DACH2: variants seen among roughly 807,000 people sequenced by gnomAD.
DACH2 encodes the protein dachshund family transcription factor 2.
DACH2 carries 17 observed loss-of-function variants against 35.8 expected under a neutral mutation model. That is an observed-to-expected ratio of 0.48 (90% confidence interval 0.33 to 0.71). The LOEUF (loss-of-function observed/expected upper bound fraction) is 0.71, where lower values mean the gene tolerates loss of function less well. Ranked by LOEUF, DACH2 falls within the 30% of genes least tolerant of loss-of-function variation. The pLI is 0.02. For synonymous variants in DACH2, 195 were observed against 177.3 expected, an observed-to-expected ratio of 1.10 and a Z score of -0.79; for missense variants, 469 against 472.7, an observed-to-expected ratio of 0.99 and a Z score of 0.07.
chrX:86,365,348 C>T (rs1199339533), intron 1 of DACH2, among the ~76,000 whole-genome samples: 1 of 96,867 alleles, frequency 1.0e-5, no homozygotes, highest in Non-Finnish European at 2.1e-5. Flanking sequence ...AAAAAAAAAA[C>T]AGATAGTGTG....
At chrX:86,286,376 C>T (rs886688829) in intron 1 of DACH2, among the ~76,000 whole-genome samples, 7 of 110,437 alleles carry the variant, frequency 6.3e-5, no homozygotes, top group East Asian at 2.9e-4. Flanking sequence ...ATGATCCACC[C>T]GCCTCAGCCT....
chrX:86,703,297 C>T (rs1602817426), intron 5 of DACH2, among the ~76,000 whole-genome samples: 2 of 111,095 alleles, frequency 1.8e-5, no homozygotes, highest in South Asian at 3.8e-4. Flanking sequence ...ATATGACAAA[C>T]CAACAGCCAG....
chrX:86,592,064 G>A (rs1242948415), intron 3 of DACH2, among the ~76,000 whole-genome samples: 1 of 110,191 alleles, frequency 9.1e-6, no homozygotes, highest in African/African-American at 3.3e-5. Flanking sequence ...TTTATCGATT[G>A]TGCTTATGGT....
intron 1 of DACH2, among the ~76,000 whole-genome samples, chrX:86,205,940 A>G (rs988032726): frequency 1.8e-5 from 2 of 111,411 alleles, no homozygotes; most frequent in Non-Finnish European, 1.9e-5. Flanking sequence ...CTCCAAATCA[A>G]TAGCTTTCAT....
At chrX:86,481,249 A>G (rs1447783896) in intron 2 of DACH2, 1 of 111,932 alleles carries the variant, frequency 8.9e-6, no homozygotes, top group Non-Finnish European at 1.9e-5. Context: ...CCATTTTTGT[A>G]CACATATATC....
intron 1 of DACH2, among the ~76,000 whole-genome samples, chrX:86,326,864 C>T (rs2035125152): frequency 9.0e-6 from 1 of 111,651 alleles, no homozygotes; most frequent in African/African-American, 3.3e-5. Flanking sequence ...TGTTCAAAAC[C>T]ATTCCAAATG....
Position 86,514,394 on chromosome X carries a change from A to G in DACH2, c.640+3A>G. On this transcript the variant is annotated splice_donor_region_variant and intron_variant, in intron 3 of 11. Coordinates refer to ENST00000373125, the MANE Select transcript of DACH2 (RefSeq NM_053281.3). ...GCCAGGACTTATCACTCCGACAGGTAATAAAATCCATCTGATGATCAGCCA... is the reference window on the plus strand; with the variant it reads ...GCCAGGACTTATCACTCCGACAGGTGATAAAATCCATCTGATGATCAGCCA... 8.3e-7 allele frequency: 1 copy of G among 1,198,225 alleles called. No individual in the cohort carries two copies. The highest frequency in any genetic ancestry group is 3.0e-5 in the East Asian group (1 of 33,714).
rs181993581 is a variant in DACH2 at position 86,722,667 on chromosome X, C to T, written c.1104+7947C>T. On this transcript the variant is annotated intron_variant, in intron 6 of 11. Transcript: ENST00000373125. ...ATTTATTGATTTGTATATATAGATT[C>T]ATCCTTACATTCCTAGTATAAAACA... is the stretch of plus-strand genomic sequence containing the variant. Among the ~76,000 whole-genome samples the T allele has an allele frequency of 9.8e-5, 11 of 111,800 alleles. No homozygotes were observed. In the East Asian group the frequency reaches 3.1e-3, roughly 31 times the overall value.
chrX:86,377,956 T>C (rs1202932145), intron 2 of DACH2, among the ~76,000 whole-genome samples: 1 of 110,686 alleles, frequency 9.0e-6, no homozygotes, highest in Non-Finnish European at 1.9e-5. Flanking sequence ...TAGACAATGA[T>C]ATCAATGCTG....
chrX:86,414,780 A>G (rs1251143359), intron 2 of DACH2, among the ~76,000 whole-genome samples: 1 of 111,526 alleles, frequency 9.0e-6, no homozygotes, highest in Non-Finnish European at 1.9e-5. Flanking sequence ...CAAATAAACT[A>G]TTAGAACCTT....
intron 1 of DACH2, among the ~76,000 whole-genome samples, chrX:86,349,278 C>T (rs1272129414): frequency 9.0e-6 from 1 of 111,654 alleles, no homozygotes; most frequent in Admixed American, 9.4e-5. Flanking sequence ...GGCCAAACTC[C>T]GCATCATTTC....
intron 3 of DACH2, among the ~76,000 whole-genome samples, chrX:86,607,147 A>G (rs772070136): frequency 1.6e-4 from 18 of 111,109 alleles, no homozygotes; most frequent in Non-Finnish European, 3.0e-4. Context: ...CAATCACTCT[A>G]TGTCTTTTGA....
chrX:86,689,002 A>C (rs2040979819), intron 4 of DACH2, among the ~76,000 whole-genome samples: 1 of 111,878 alleles, frequency 8.9e-6, no homozygotes, highest in South Asian at 3.7e-4. Flanking sequence ...TGGCAAGTGC[A>C]GCCCTAGAGG....
At chrX:86,391,282 TAAAAAAAAAAAAAAA>T (rs55941702) in intron 2 of DACH2, among the ~76,000 whole-genome samples, 72 of 21,430 alleles carry the variant, frequency 3.4e-3, no homozygotes, top group African/African-American at 6.9e-3. Context: ...GGCTCTGTCT[TAAAAAAAAAAAAAAA>T]AAAAAAAAAA....
rs182463203 is a variant in DACH2 at position 86,625,848 on chromosome X, C to T, written c.641-25188C>T. 2.4e-3 allele frequency among the ~76,000 whole-genome samples: 269 copies of T among 111,338 alleles called. 1 individual carries two copies. The highest frequency in any genetic ancestry group is 8.4e-3 in the African/African-American group (257 of 30,613). On this transcript the variant is annotated intron_variant, in intron 3 of 11. Transcript: ENST00000373125. ...CCCACCCCATTGATTCAATTACCTC[C>T]CACCAGGTCTTCCCCATGACATGTG...
intron 3 of DACH2, among the ~76,000 whole-genome samples, chrX:86,631,895 T>A (rs1322239778): frequency 9.0e-6 from 1 of 111,352 alleles, no homozygotes; most frequent in Non-Finnish European, 1.9e-5. Flanking sequence ...AATCAAATCC[T>A]TGCTTACTAG....
At chrX:86,814,427 C>A (rs1298219003) in intron 9 of DACH2, among the ~76,000 whole-genome samples, 1 of 111,479 alleles carries the variant, frequency 9.0e-6, no homozygotes, top group Non-Finnish European at 1.9e-5. Flanking sequence ...CACCATCATA[C>A]AAATGCATGT....
At chrX:86,815,135 T>G (rs752927506) in intron 10 of DACH2, among the ~76,000 whole-genome samples, 14 of 111,637 alleles carry the variant, frequency 1.3e-4, no homozygotes, top group Non-Finnish European at 3.8e-5. Flanking sequence ...GCACCTAAAA[T>G]GTAGGTGGGT....
intron 1 of DACH2, among the ~76,000 whole-genome samples, chrX:86,212,322 T>C (rs1391851187): frequency 2.7e-5 from 3 of 111,744 alleles, no homozygotes; most frequent in Admixed American, 9.6e-5. Context: ...TAAAAACTAA[T>C]TAAACTATTT....
Sources: gnomAD v4.1 joint callset for allele counts (sites outside exome capture counted in the v4.1 genomes callset) on GRCh38, gnomAD v4.1.1 for gene constraint, MANE v1.5 for transcripts, NCBI Gene and HGNC (gene_info 2026-07-23, HGNC 2026-07-21) for gene names.